DCDC1: variants seen among roughly 807,000 people sequenced by gnomAD.
DCDC1 encodes doublecortin domain-containing protein 1.
A neutral mutation model predicts 178.3 loss-of-function variants in DCDC1; 200 were observed. The ratio of observed to expected loss-of-function variants is 1.12; its 90% CI spans 1.00 to 1.26. DCDC1 has a LOEUF of 1.26. Among genes scored for constraint, DCDC1 ranks in the 50% most tolerant of loss-of-function variants. The pLI is 0.00. For missense variants in DCDC1, 1,983 were observed against 1,749.2 expected, an observed-to-expected ratio of 1.13 and a Z score of -2.38; for synonymous variants, 690 against 604.8, an observed-to-expected ratio of 1.14 and a Z score of -2.07.
intron 20 of DCDC1, among the ~76,000 whole-genome samples, chr11:31,032,711 C>G (rs1324477776): frequency 6.6e-6 from 1 of 152,150 alleles, no homozygotes; most frequent in African/African-American, 2.4e-5. Flanking sequence ...TAGAGATGAG[C>G]TTTCTTGTTC....
At chr11:31,202,770 G>A (rs1971441189) in intron 9 of DCDC1, among the ~76,000 whole-genome samples, 1 of 152,196 alleles carries the variant, frequency 6.6e-6, no homozygotes, top group Non-Finnish European at 1.5e-5. Flanking sequence ...GACAGAGTTT[G>A]TTGAGAGTTT....
intron 17 of DCDC1, among the ~76,000 whole-genome samples, chr11:31,087,684 G>T (rs948771250): frequency 2.6e-5 from 4 of 152,006 alleles, no homozygotes; most frequent in Non-Finnish European, 4.4e-5. Flanking sequence ...TATCATCAGA[G>T]AACACACTCT....
At chr11:31,014,580 G>A (rs1952368447) in intron 20 of DCDC1, among the ~76,000 whole-genome samples, 1 of 152,120 alleles carries the variant, frequency 6.6e-6, no homozygotes, top group South Asian at 2.1e-4. Flanking sequence ...CACTAAGTTT[G>A]GGGTAATTTT....
intron 20 of DCDC1, among the ~76,000 whole-genome samples, chr11:31,022,655 G>GTGTC (rs1180116940): frequency 6.7e-6 from 1 of 149,066 alleles, no homozygotes; most frequent in Non-Finnish European, 1.5e-5. Context: ...GTGTGTGTGT[G>GTGTC]TGTGTGTGTG....
At chr11:31,291,699 A>G (rs1258722738) in intron 6 of DCDC1, among the ~76,000 whole-genome samples, 2 of 152,070 alleles carry the variant, frequency 1.3e-5, no homozygotes, top group Non-Finnish European at 2.9e-5. Flanking sequence ...CTTCTTACAT[A>G]AATTACAAAA....
At chr11:31,180,062 T>C (rs1476286999) in intron 9 of DCDC1, among the ~76,000 whole-genome samples, 1 of 152,084 alleles carries the variant, frequency 6.6e-6, no homozygotes, top group Non-Finnish European at 1.5e-5. Flanking sequence ...AGAAAAAGCA[T>C]TTGGTAAAAT....
intron 6 of DCDC1, among the ~76,000 whole-genome samples, chr11:31,305,125 C>T (rs74418920): frequency 0.021 from 3,136 of 151,884 alleles, 98 homozygotes; most frequent in African/African-American, 0.07. Flanking sequence ...TTATGAAATA[C>T]GTTATTAGGA....
At chr11:31,006,902 G>A (rs1413697741) in intron 20 of DCDC1, among the ~76,000 whole-genome samples, 1 of 152,162 alleles carries the variant, frequency 6.6e-6, no homozygotes, top group African/African-American at 2.4e-5. Context: ...CAGTCATTTA[G>A]GTTTAGAATC....
At chr11:31,172,831 A>G (rs1967429381) in intron 9 of DCDC1, among the ~76,000 whole-genome samples, 2 of 152,154 alleles carry the variant, frequency 1.3e-5, no homozygotes, top group South Asian at 4.1e-4. Context: ...TTAATTTAGG[A>G]ATGGAGAGAC....
At chr11:31,176,519 A>C (rs2136253172) in intron 9 of DCDC1, among the ~76,000 whole-genome samples, 1 of 152,306 alleles carries the variant, frequency 6.6e-6, no homozygotes, top group East Asian at 1.9e-4. Context: ...TAATTGAGAG[A>C]GATATGAACA....
At chr11:31,015,281 T>C (rs1952425995) in intron 20 of DCDC1, among the ~76,000 whole-genome samples, 1 of 152,190 alleles carries the variant, frequency 6.6e-6, no homozygotes, top group African/African-American at 2.4e-5. Flanking sequence ...ATTAGCTATA[T>C]TTAGGATTAC....
intron 3 of DCDC1, among the ~76,000 whole-genome samples, chr11:31,309,715 T>C (rs1193511392): frequency 6.6e-6 from 1 of 152,204 alleles, no homozygotes; most frequent in Non-Finnish European, 1.5e-5. Flanking sequence ...CATTATGAAA[T>C]ATTCTTATAA....
chr11:31,127,181 T>C (rs1223037874), intron 11 of DCDC1, among the ~76,000 whole-genome samples: 1 of 152,216 alleles, frequency 6.6e-6, no homozygotes, highest in African/African-American at 2.4e-5. Context: ...AAAATTTGTT[T>C]CTTGGAAAAG....
At chr11:31,212,789 G>A (rs992691201) in intron 9 of DCDC1, among the ~76,000 whole-genome samples, 1 of 152,100 alleles carries the variant, frequency 6.6e-6, no homozygotes, top group Non-Finnish European at 1.5e-5. Flanking sequence ...CTAATTTTAG[G>A]AGTTCATATT....
chr11:30,883,577 A>G, intron 36 of DCDC1: 1 of 321,152 alleles, frequency 3.1e-6, no homozygotes, highest in South Asian at 2.6e-5. Context: ...ACAAAGCAAA[A>G]AGTGTGGATT....
chr11:31,044,156 C>A (rs942673094), intron 20 of DCDC1, among the ~76,000 whole-genome samples: 2 of 151,968 alleles, frequency 1.3e-5, no homozygotes, highest in African/African-American at 2.4e-5. Context: ...CACCAGTTGG[C>A]GACAGAAGGA....
At chr11:31,294,828 AAGAAAGAAAGAAAGAAAGAAAG>A (rs1947542530) in intron 6 of DCDC1, among the ~76,000 whole-genome samples, 1 of 147,178 alleles carries the variant, frequency 6.8e-6, no homozygotes, top group Admixed American at 6.7e-5. Flanking sequence ...GAAAGAAAGA[AAGAAAGAAAGAAAGAAAGAAAG>A]AAAGAAAGAA....
intron 9 of DCDC1, among the ~76,000 whole-genome samples, chr11:31,184,106 A>G (rs1453043278): frequency 1.3e-5 from 2 of 152,236 alleles, no homozygotes; most frequent in African/African-American, 2.4e-5. Flanking sequence ...CCAATGGAAC[A>G]GAACAGATGC....
chr11:31,067,336 T>A (rs1435016924), intron 18 of DCDC1, among the ~76,000 whole-genome samples: 1 of 151,990 alleles, frequency 6.6e-6, no homozygotes, highest in African/African-American at 2.4e-5. Context: ...AGAAAAGATA[T>A]TCAACATCAC....
Sources: allele counts gnomAD v4.1 joint callset (sites outside exome capture counted in the v4.1 genomes callset), GRCh38; gene constraint gnomAD v4.1.1; transcripts MANE v1.5; gene names NCBI Gene and HGNC (gene_info 2026-07-23, HGNC 2026-07-21).